The following VTI1A variants were observed in gnomAD, a reference collection of about 807,000 sequenced individuals.
The protein encoded by VTI1A is vesicle transport through interaction with t-SNAREs 1A, also known as vesicle transport through interaction with t-SNAREs homolog 1A.
In VTI1A, 22 loss-of-function variants were observed where a neutral mutation model predicts 34.9. The observed-to-expected ratio is 0.63, with a 90% CI of 0.45 to 0.90. The LOEUF (loss-of-function observed/expected upper bound fraction) is 0.90, where lower values mean the gene tolerates loss of function less well. Ranked by LOEUF, VTI1A falls within the 40% of genes least tolerant of loss-of-function variation. The pLI, the probability that VTI1A is intolerant of heterozygous loss-of-function variation, is 0.00. For synonymous variants in VTI1A, 87 were observed against 97.3 expected, an observed-to-expected ratio of 0.89 and a Z score of 0.62; for missense variants, 268 against 275.6, an observed-to-expected ratio of 0.97 and a Z score of 0.20.
intron 3 of VTI1A, among the ~76,000 whole-genome samples, chr10:112,469,085 T>C (rs528606505): frequency 1.3e-5 from 2 of 152,332 alleles, no homozygotes; most frequent in South Asian, 4.1e-4. Context: ...CCCAGAGTCC[T>C]CATTGCCTGC....
chr10:112,745,910 A>G (rs945588858), intron 7 of VTI1A, among the ~76,000 whole-genome samples: 1 of 152,226 alleles, frequency 6.6e-6, no homozygotes, highest in African/African-American at 2.4e-5. Context: ...AGCAAGAGAC[A>G]GAGCTAGGAT....
chr10:112,487,601 T>C (rs1026064678), intron 3 of VTI1A, among the ~76,000 whole-genome samples: 10 of 152,182 alleles, frequency 6.6e-5, no homozygotes, highest in Admixed American at 4.6e-4. Context: ...GACCTTGTTA[T>C]GTACAGTTGC....
chr10:112,574,110 G>A (rs1454352313), intron 5 of VTI1A, among the ~76,000 whole-genome samples: 1 of 151,984 alleles, frequency 6.6e-6, no homozygotes, highest in African/African-American at 2.4e-5. Context: ...CAAAATCATT[G>A]CCTTCTAGAT....
intron 7 of VTI1A, among the ~76,000 whole-genome samples, chr10:112,721,818 A>G (rs1387050861): frequency 6.6e-6 from 1 of 152,200 alleles, no homozygotes; most frequent in Non-Finnish European, 1.5e-5. Context: ...CTGTCCAACA[A>G]TGAAATGTGT....
intron 3 of VTI1A, among the ~76,000 whole-genome samples, chr10:112,515,936 T>G (rs1350291074): frequency 6.6e-6 from 1 of 152,128 alleles, no homozygotes; most frequent in East Asian, 1.9e-4. Flanking sequence ...ATGCAGCAAT[T>G]TGTTCCTGTC....
chr10:112,479,416 T>A (rs1848390746), intron 3 of VTI1A, among the ~76,000 whole-genome samples: 1 of 152,176 alleles, frequency 6.6e-6, no homozygotes, highest in Non-Finnish European at 1.5e-5. Flanking sequence ...AGGGAGGGGT[T>A]CTCTCTGGAA....
intron 7 of VTI1A, among the ~76,000 whole-genome samples, chr10:112,697,923 C>A (rs1269911025): frequency 1.3e-5 from 2 of 149,586 alleles, no homozygotes; most frequent in African/African-American, 5.0e-5. Flanking sequence ...TTTCTTCACC[C>A]TGTAGAAAAG....
intron 3 of VTI1A, among the ~76,000 whole-genome samples, chr10:112,497,627 T>G (rs138424759): frequency 6.6e-6 from 1 of 152,226 alleles, no homozygotes; most frequent in Non-Finnish European, 1.5e-5. Flanking sequence ...ACTAACTTGC[T>G]GAATTTCAGA....
chr10:112,768,245 C>T (rs1170874052), intron 7 of VTI1A, among the ~76,000 whole-genome samples: 2 of 152,202 alleles, frequency 1.3e-5, no homozygotes, highest in African/African-American at 2.4e-5. Context: ...TTGAGAGACA[C>T]AAGGCTGACG....
At chr10:112,488,856 A>G (rs1322340848) in intron 3 of VTI1A, among the ~76,000 whole-genome samples, 1 of 152,202 alleles carries the variant, frequency 6.6e-6, no homozygotes, top group Non-Finnish European at 1.5e-5. Flanking sequence ...CCTAGAAACT[A>G]CAGTATTATA....
intron 1 of VTI1A, among the ~76,000 whole-genome samples, chr10:112,451,054 G>A (rs532182811): frequency 6.6e-6 from 1 of 152,170 alleles, no homozygotes; most frequent in Non-Finnish European, 1.5e-5. Context: ...ATGATCTGTT[G>A]TGAATCCTGT....
chr10:112,810,401 C>CAAAA lies in VTI1A; in HGVS notation c.561-4873_561-4870dup, dbSNP rs55966805. On this transcript the variant is annotated intron_variant, in intron 7 of 7. Transcript: ENST00000393077. The stretch of plus-strand genomic sequence containing the variant: ...CTGGAGACAGAGAATGACTCCATCT[C>CAAAA]AAAAAAAAAAAAAAAAAAAGTTAAA... 3.9e-3 allele frequency among the ~76,000 whole-genome samples: 345 copies of CAAAA among 89,356 alleles called. 1 individual carries two copies. Among genetic ancestry groups the CAAAA allele is most frequent in the Middle Eastern group, 0.02 (3 of 148 alleles). The allele number at this position is 89,356 out of a possible 152,430, so 58.6% of individuals were successfully genotyped here. A position where few individuals can be genotyped will look rare whatever the true frequency, so the allele number is the denominator to read the frequency against.
chr10:112,570,632 T>C (rs1852084321), intron 5 of VTI1A, among the ~76,000 whole-genome samples: 1 of 152,192 alleles, frequency 6.6e-6, no homozygotes. Context: ...CAAAGTAGAG[T>C]GTTGCTCACG....
intron 3 of VTI1A, among the ~76,000 whole-genome samples, chr10:112,476,516 A>G (rs113587960): frequency 0.013 from 2,006 of 152,280 alleles, 26 homozygotes; most frequent in Middle Eastern, 0.051. Context: ...TTAAAGAAGA[A>G]ACAGTGATGC....
chr10:112,783,368 A>T (rs994694209), intron 7 of VTI1A, among the ~76,000 whole-genome samples: 1 of 150,628 alleles, frequency 6.6e-6, no homozygotes, highest in African/African-American at 2.5e-5. Flanking sequence ...GGCTAAAAAC[A>T]TATGAGTTGT....
intron 7 of VTI1A, among the ~76,000 whole-genome samples, chr10:112,797,947 C>A (rs986647850): frequency 6.6e-6 from 1 of 152,202 alleles, no homozygotes; most frequent in Non-Finnish European, 1.5e-5. Flanking sequence ...CTACGTGAGT[C>A]AGTATCTGTG....
rs574333594 is a variant in VTI1A at position 112,499,351 on chromosome 10, T to C, written c.265-27736T>C. On this transcript the variant is annotated intron_variant, in intron 3 of 7. Coordinates refer to ENST00000393077, the MANE Select transcript of VTI1A (RefSeq NM_145206.4). ...CATACTCTCTTGGTCTCTCCCTGGGTCTCTGTTCTGAATCTCCATTGGATT... is the reference window on the plus strand; with the variant it reads ...CATACTCTCTTGGTCTCTCCCTGGGCCTCTGTTCTGAATCTCCATTGGATT... Among the ~76,000 whole-genome samples the C allele has an allele frequency of 2.0e-5, 3 of 152,230 alleles. No individual in the cohort carries two copies. The South Asian group carries it at 6.2e-4, about 32-fold the overall frequency.
Position 112,527,113 on chromosome 10 carries a change from C to A in VTI1A, c.291C>A (p.Asp97Glu). 1 of 1,613,292 alleles carries A rather than the reference C, an allele frequency of 6.2e-7. No individual in the cohort carries two copies. The highest frequency in any genetic ancestry group is 8.5e-7 in the Non-Finnish European group (1 of 1,179,604). ...DFKRSRIAYS[D>E]EVRNELLGDD... ...AAAGGTCACGGATCGCCTACAGTGA[C>A]GAAGTACGGAATGAGCTCCTGGGGG... The change falls in exon 4 of 8, where the codon GAC (aspartate) becomes GAA (glutamate). Residue 97 changes from aspartate (D) to glutamate (E), a missense_variant. Physicochemically the swap from Asp to Glu is conservative, Grantham distance 45. Transcript: ENST00000393077.
the VTI1A span, among the ~76,000 whole-genome samples, chr10:112,853,005 C>T: frequency 6.6e-6 from 1 of 152,064 alleles, no homozygotes; most frequent in South Asian, 2.1e-4. Context: ...AGGCTGGTCT[C>T]GAACTCCAGA....
Sources: gnomAD v4.1 joint callset for allele counts (sites outside exome capture counted in the v4.1 genomes callset) on GRCh38, gnomAD v4.1.1 for gene constraint, MANE v1.5 for transcripts, NCBI Gene and HGNC (gene_info 2026-07-23, HGNC 2026-07-21) for gene names.